Variants in ANO3 observed in about 807,000 individuals in gnomAD.
The protein encoded by ANO3 is anoctamin 3.
ANO3 carries 99 observed loss-of-function variants against 144.8 expected under a neutral mutation model. The ratio of observed to expected loss-of-function variants is 0.68; its 90% CI spans 0.58 to 0.81. The LOEUF (loss-of-function observed/expected upper bound fraction) is 0.81. ANO3 is among the 30% of genes least tolerant of loss of function. The pLI, the probability that ANO3 is intolerant of heterozygous loss-of-function variation, is 0.00. For synonymous variants in ANO3, 414 were observed against 392.6 expected (o/e 1.05, Z -0.64); for missense variants, 905 against 1,202.2 (o/e 0.75, Z 3.66).
At chr11:26,573,550 C>G (rs139143386) in intron 14 of ANO3, among the ~76,000 whole-genome samples, 1 of 152,126 alleles carries the variant, frequency 6.6e-6, no homozygotes, top group African/African-American at 2.4e-5. Context: ...TTTCCCTAGG[C>G]CTTTTCTGCA....
At chr11:26,397,489 A>G (rs1230726884) in intron 1 of ANO3, among the ~76,000 whole-genome samples, 2 of 152,128 alleles carry the variant, frequency 1.3e-5, no homozygotes, top group Non-Finnish European at 2.9e-5. Flanking sequence ...AAAAATGGGA[A>G]TGAAGTTCTC....
intron 1 of ANO3, among the ~76,000 whole-genome samples, chr11:26,346,272 G>A (rs959344870): frequency 1.4e-4 from 21 of 152,054 alleles, no homozygotes; most frequent in African/African-American, 5.1e-4. Flanking sequence ...GAAAAAAAGT[G>A]GTTTAAGAAA....
intron 11 of ANO3, among the ~76,000 whole-genome samples, chr11:26,542,313 C>A (rs1485071846): frequency 3.3e-5 from 5 of 151,878 alleles, no homozygotes; most frequent in Admixed American, 1.3e-4. Flanking sequence ...TTACTAACAC[C>A]CCTTAAGGGT....
intron 11 of ANO3, among the ~76,000 whole-genome samples, chr11:26,546,795 C>G (rs991219283): frequency 6.6e-6 from 1 of 151,992 alleles, no homozygotes; most frequent in Non-Finnish European, 1.5e-5. Context: ...ACACACAGCT[C>G]TACCTTTTAG....
chr11:26,639,757 C>G (rs4255495), intron 21 of ANO3, among the ~76,000 whole-genome samples: 57,159 of 151,634 alleles, frequency 0.38, 11,574 homozygotes, highest in South Asian at 0.49. Context: ...CAATAGCATT[C>G]TATTTTCATT....
At chr11:26,555,304 T>G (rs1850052798) in intron 13 of ANO3, among the ~76,000 whole-genome samples, 2 of 152,172 alleles carry the variant, frequency 1.3e-5, no homozygotes, top group Admixed American at 6.6e-5. Flanking sequence ...GCCTATGATT[T>G]TAGACATAAA....
chr11:26,455,919 A>G (rs1341266294), intron 3 of ANO3, among the ~76,000 whole-genome samples: 1 of 151,928 alleles, frequency 6.6e-6, no homozygotes, highest in Non-Finnish European at 1.5e-5. Flanking sequence ...AAATAATGCC[A>G]TATATCTACA....
chr11:26,599,037 C>G (rs751551046), intron 16 of ANO3, 39 bp downstream of exon 16: 32 of 1,601,226 alleles, frequency 2.0e-5, no homozygotes, highest in Non-Finnish European at 2.5e-5. Context: ...TTTTGGGATT[C>G]TAAATTTAGA....
chr11:26,597,675 C>T (rs1359027241), intron 14 of ANO3, among the ~76,000 whole-genome samples: 1 of 152,120 alleles, frequency 6.6e-6, no homozygotes, highest in Non-Finnish European at 1.5e-5. Context: ...AGAGGGTTGC[C>T]CCAGTACCAC....
chr11:26,462,280 GTTT>G (rs992304622), intron 3 of ANO3, among the ~76,000 whole-genome samples: 8 of 151,810 alleles, frequency 5.3e-5, no homozygotes, highest in Non-Finnish European at 1.2e-4. Flanking sequence ...ATAGCAATCT[GTTT>G]TTTAATTTGC....
intron 5 of ANO3, among the ~76,000 whole-genome samples, chr11:26,514,085 G>GTT (rs142484477): frequency 0.04 from 5,922 of 146,512 alleles, 172 homozygotes; most frequent in Admixed American, 0.09. Context: ...TACAGAAAGA[G>GTT]TTTTTTTTTT....
At chr11:26,221,566 T>C (rs190394080) in intron 1 of ANO3, among the ~76,000 whole-genome samples, 1 of 152,314 alleles carries the variant, frequency 6.6e-6, no homozygotes, top group Non-Finnish European at 1.5e-5. Flanking sequence ...TGTTTTTTCA[T>C]TGCTATAAAG....
chr11:26,542,180 A>G, intron 11 of ANO3, 112 bp downstream of exon 11: 1 of 1,204,002 alleles, frequency 8.3e-7, no homozygotes, highest in Non-Finnish European at 1.1e-6. Flanking sequence ...ACAAAAAAGC[A>G]ACCACTATAA....
intron 1 of ANO3, among the ~76,000 whole-genome samples, chr11:26,362,565 C>T (rs757523969): frequency 6.6e-6 from 1 of 152,088 alleles, no homozygotes; most frequent in Non-Finnish European, 1.5e-5. Context: ...AGGAATCTCA[C>T]CACTGATTTT....
intron 7 of ANO3, 92 bp from the exon 8 acceptor site, chr11:26,531,113 A>C: frequency 7.1e-7 from 1 of 1,404,092 alleles, no homozygotes; most frequent in Non-Finnish European, 9.8e-7. Flanking sequence ...TTTTCAAAGA[A>C]GTTTCTTTAG....
intron 5 of ANO3, among the ~76,000 whole-genome samples, chr11:26,514,625 T>C (rs1861793218): frequency 1.3e-5 from 2 of 152,058 alleles, no homozygotes; most frequent in African/African-American, 4.8e-5. Flanking sequence ...GCAGTAAAGA[T>C]TGAGGAAATT....
At chr11:26,587,425 A>T (rs1851318052) in intron 14 of ANO3, among the ~76,000 whole-genome samples, 1 of 152,216 alleles carries the variant, frequency 6.6e-6, no homozygotes, top group Admixed American at 6.5e-5. Flanking sequence ...AGATCTTGGC[A>T]TAAATAGAAG....
At chr11:26,456,110 C>T (rs1277540760) in intron 3 of ANO3, among the ~76,000 whole-genome samples, 1 of 151,996 alleles carries the variant, frequency 6.6e-6, no homozygotes, top group Non-Finnish European at 1.5e-5. Flanking sequence ...AGACCTAAAA[C>T]CATAAAAACC....
At chr11:26,552,058 T>A (rs1849947616) in intron 12 of ANO3, among the ~76,000 whole-genome samples, 1 of 152,050 alleles carries the variant, frequency 6.6e-6, no homozygotes, top group African/African-American at 2.4e-5. Flanking sequence ...TTGGGGTCCC[T>A]GAAGTACCTC....
Sources: allele counts gnomAD v4.1 joint callset (sites outside exome capture counted in the v4.1 genomes callset), GRCh38; gene constraint gnomAD v4.1.1; transcripts MANE v1.5; gene names NCBI Gene and HGNC (gene_info 2026-07-23, HGNC 2026-07-21).